FBN2: variants seen among roughly 807,000 people sequenced by gnomAD.
The protein encoded by FBN2 is fibrillin-2.
A neutral mutation model predicts 355.6 loss-of-function variants in FBN2; 105 were observed. That is an observed-to-expected ratio of 0.30 (90% confidence interval 0.25 to 0.35). The LOEUF (loss-of-function observed/expected upper bound fraction) is 0.35, where lower values mean the gene tolerates loss of function less well. Among genes scored for constraint, FBN2 ranks in the 10% least tolerant of loss-of-function variants. The pLI, the probability that FBN2 is intolerant of heterozygous loss-of-function variation, is 1.00. For missense variants in FBN2, 3,280 were observed against 3,758.7 expected, an observed-to-expected ratio of 0.87 and a Z score of 3.33; for synonymous variants, 1,350 against 1,301.2, an observed-to-expected ratio of 1.04 and a Z score of -0.81.
intron 20 of FBN2, among the ~76,000 whole-genome samples, chr5:128,352,043 T>C (rs1410337003): frequency 6.6e-6 from 1 of 152,162 alleles, no homozygotes; most frequent in Non-Finnish European, 1.5e-5. Flanking sequence ...ACAATGTATG[T>C]TCTGTTATGC....
intron 6 of FBN2, among the ~76,000 whole-genome samples, chr5:128,461,337 A>C (rs1754549295): frequency 1.3e-5 from 2 of 152,172 alleles, no homozygotes; most frequent in Non-Finnish European, 2.9e-5. Context: ...GGTGATTATT[A>C]AAAAGTCAGG....
chr5:128,267,673 A>AT (rs1765152062), intron 62 of FBN2, among the ~76,000 whole-genome samples: 1 of 151,104 alleles, frequency 6.6e-6, no homozygotes, highest in South Asian at 2.1e-4. Context: ...GGGTTTTTGT[A>AT]TTTTTCCCAC....
intron 51 of FBN2, among the ~76,000 whole-genome samples, chr5:128,289,672 C>A (rs1749264895): frequency 6.6e-6 from 1 of 152,040 alleles, no homozygotes; most frequent in Admixed American, 6.6e-5. Context: ...GTAAATACTT[C>A]TTTTGTCAGA....
intron 11 of FBN2, among the ~76,000 whole-genome samples, chr5:128,389,004 A>G (rs746680574): frequency 1.3e-5 from 2 of 151,984 alleles, no homozygotes; most frequent in Non-Finnish European, 2.9e-5. Flanking sequence ...TCTTCACATA[A>G]TCTCATATTT....
Position 128,446,542 on chromosome 5 carries a change from G to T in FBN2, c.891C>A (p.Gly297=), listed in dbSNP as rs539258943. ...CQGGNCINTV[G]SFECRCPAGH... ...CAGCAGGGCATCTGCATTCAAAAGA[G>T]CCCACTGTATTGATACAGTTTCCTC... is the stretch of plus-strand genomic sequence containing the variant. Residue 297 remains glycine (G), a synonymous_variant, in exon 7 of 65, where the codon GGC becomes GGA. Coordinates refer to ENST00000262464, the MANE Select transcript of FBN2 (RefSeq NM_001999.4). 18 of 1,613,796 alleles carry T rather than the reference G, an allele frequency of 1.1e-5. No homozygotes were observed. The highest frequency in any genetic ancestry group is 5.3e-5 in the African/African-American group (4 of 75,056).
At chr5:128,380,839 C>T (rs1160758764) in intron 11 of FBN2, among the ~76,000 whole-genome samples, 1 of 152,018 alleles carries the variant, frequency 6.6e-6, no homozygotes, top group Admixed American at 6.6e-5. Context: ...GTCTTGTTTA[C>T]AGGAACAGAA....
At chr5:128,311,598 G>T (rs1275484639) in intron 38 of FBN2, among the ~76,000 whole-genome samples, 173 bp from the exon 39 acceptor site, 3 of 152,196 alleles carry the variant, frequency 2.0e-5, no homozygotes, top group Non-Finnish European at 4.4e-5. Flanking sequence ...CTTTGTCACA[G>T]AACTTTTACC....
At chr5:128,369,789 C>T (rs901388368) in intron 15 of FBN2, among the ~76,000 whole-genome samples, 1 of 152,148 alleles carries the variant, frequency 6.6e-6, no homozygotes, top group Non-Finnish European at 1.5e-5. Flanking sequence ...TTTCTTACTC[C>T]CACTTTCCGA....
intron 41 of FBN2, 114 bp downstream of exon 41, chr5:128,309,133 A>T: frequency 8.9e-7 from 1 of 1,126,714 alleles, no homozygotes; most frequent in Non-Finnish European, 1.3e-6. Flanking sequence ...GCTCTTGGGA[A>T]TTTTTGGAAC....
At chr5:128,501,624 G>A (rs1180531320) in intron 5 of FBN2, among the ~76,000 whole-genome samples, 1 of 152,090 alleles carries the variant, frequency 6.6e-6, no homozygotes, top group Non-Finnish European at 1.5e-5. Flanking sequence ...GTATTACAAA[G>A]CTATTTGTTA....
intron 51 of FBN2, among the ~76,000 whole-genome samples, 194 bp downstream of exon 51, chr5:128,289,688 A>T (rs1406742113): frequency 2.0e-5 from 3 of 152,178 alleles, no homozygotes. Flanking sequence ...TCAGAGAAAT[A>T]TGTATTTCAT....
chr5:128,376,464 G>A (rs901363936), intron 14 of FBN2, among the ~76,000 whole-genome samples: 14 of 152,170 alleles, frequency 9.2e-5, no homozygotes, highest in East Asian at 1.9e-4. Flanking sequence ...TTATTTCTAC[G>A]TTGTTTTCCA....
At chr5:128,399,743 T>A (rs900991031) in intron 8 of FBN2, among the ~76,000 whole-genome samples, 2 of 151,940 alleles carry the variant, frequency 1.3e-5, no homozygotes, top group African/African-American at 2.4e-5. Context: ...TAGGCAAACA[T>A]ACAGGTAATT....
rs140628938 is a variant in FBN2, at chr5:128,342,378, G to A, written c.3343+2007C>T. On this transcript the variant is annotated intron_variant, in intron 25 of 64. Coordinates refer to ENST00000262464, the MANE Select transcript of FBN2 (RefSeq NM_001999.4). ...AGAGATGTTTTAACACCACAAAGAT[G>A]TTTTGCAAGAGTAGATGAGTATACA... Among the ~76,000 whole-genome samples the A allele has an allele frequency of 9.9e-4, 150 of 152,178 alleles. 1 individual carries two copies. Among genetic ancestry groups the A allele is most frequent in the African/African-American group, 3.0e-3 (125 of 41,532 alleles).
intron 51 of FBN2, 33 bp from the exon 52 acceptor site, chr5:128,289,285 T>G (rs764436159): frequency 1.2e-6 from 2 of 1,612,294 alleles, no homozygotes; most frequent in Non-Finnish European, 1.7e-6. Context: ...AATTTCCTCA[T>G]ATAAAAAGAT....
chr5:128,482,733 T>C (rs902576309), intron 5 of FBN2, among the ~76,000 whole-genome samples: 1 of 152,156 alleles, frequency 6.6e-6, no homozygotes, highest in Non-Finnish European at 1.5e-5. Context: ...CCTGCAAATA[T>C]TAAGTTAATA....
intron 34 of FBN2, among the ~76,000 whole-genome samples, chr5:128,327,408 T>C (rs1750581150): frequency 6.6e-6 from 1 of 152,084 alleles, no homozygotes; most frequent in Non-Finnish European, 1.5e-5. Flanking sequence ...GGTTGTATAA[T>C]TTGGTTTTGT....
At chr5:128,350,827 T>A (rs754394069) in intron 21 of FBN2, 41 bp downstream of exon 21, 1 of 1,605,944 alleles carries the variant, frequency 6.2e-7, no homozygotes, top group South Asian at 1.1e-5. Context: ...GCAGGAGAAG[T>A]TTCCAAGGAG....
chr5:128,343,564 A>G (rs1159920264), intron 25 of FBN2, among the ~76,000 whole-genome samples: 3 of 152,216 alleles, frequency 2.0e-5, no homozygotes, highest in Non-Finnish European at 4.4e-5. Flanking sequence ...CGAGATCCTG[A>G]AGACACAGCT....
Sources: allele counts gnomAD v4.1 joint callset (sites outside exome capture counted in the v4.1 genomes callset), GRCh38; gene constraint gnomAD v4.1.1; transcripts MANE v1.5; gene names NCBI Gene and HGNC (gene_info 2026-07-23, HGNC 2026-07-21).